The following KLHL36 variants were observed in gnomAD, a reference collection of about 807,000 sequenced individuals.
The protein encoded by KLHL36 is kelch like family member 36.
Under a neutral mutation model 53.3 loss-of-function variants are expected in KLHL36, and 35 were observed. The ratio of observed to expected loss-of-function variants is 0.66; its 90% CI spans 0.50 to 0.87. KLHL36 has a LOEUF of 0.87. Ranked by LOEUF, KLHL36 falls within the 40% of genes least tolerant of loss-of-function variation. The probability of loss-of-function intolerance (pLI) is 0.00; values close to 1 mark genes in which losing one functional copy is unlikely to be tolerated. For synonymous variants in KLHL36, 472 were observed against 398.9 expected (o/e 1.18, Z -2.18); for missense variants, 864 against 897.6 (o/e 0.96, Z 0.48).
Position 84,657,536 on chromosome 16 carries a change from C to T in KLHL36, c.729C>T (p.Asn243=), listed in dbSNP as rs111587084. ...TCCACTTCCCGCTCATCCCCAAGAA[C>T]GACCTGCTGCACCGCGTCAAGCCGG... is the stretch of plus-strand genomic sequence containing the variant. ...ENIHFPLIPK[N]DLLHRVKPAV... is the part of the protein sequence containing the mutation. Residue 243 remains asparagine, a synonymous_variant, in exon 3 of 5, where the codon AAC becomes AAT. Transcript: ENST00000564996. The T allele has an allele frequency of 2.9e-3, 4,626 of 1,610,202 alleles. 14 individuals carry two copies. Among genetic ancestry groups the T allele is most frequent in the Non-Finnish European group, 3.4e-3 (4,000 of 1,179,872 alleles).
At chr16:84,655,037 T>A (rs1347808767) in intron 2 of KLHL36, among the ~76,000 whole-genome samples, 3 of 152,208 alleles carry the variant, frequency 2.0e-5, no homozygotes, top group Admixed American at 6.5e-5. Context: ...AGCCTGGCTC[T>A]CTTTGTGGGT....
At chr16:84,654,302 C>G (rs551550490) in intron 2 of KLHL36, among the ~76,000 whole-genome samples, 1 of 152,196 alleles carries the variant, frequency 6.6e-6, no homozygotes, top group Non-Finnish European at 1.5e-5. Context: ...CAGCTCACAC[C>G]CAAGAGGGGC....
At position 84,659,861 on chromosome 16, in the gene KLHL36, A is replaced by G. The variant is rs746034197; in HGVS notation, c.1239A>G (p.Ser413=). 2 of 1,614,014 alleles carry G rather than the reference A, an allele frequency of 1.2e-6. No individual in the cohort carries two copies. The highest frequency in any genetic ancestry group is 1.7e-5 in the Admixed American group (1 of 60,000). Residue 413 remains serine, a synonymous_variant, in exon 4 of 5, where the codon TCA becomes TCG. Transcript: ENST00000564996. ...GGRNENGALS[S]VETYSPKTDS... ...GGAATGAGAACGGAGCGCTCTCTTC[A>G]GTAGAGACGTACAGTCCCAAGACTG...
chr16:84,650,945 A>C lies in KLHL36; in HGVS notation c.63+15A>C. 1.3e-6 allele frequency: 2 copies of C among 1,597,284 alleles called. No homozygotes were observed. Among genetic ancestry groups the C allele is most frequent in the Non-Finnish European group, 1.7e-6 (2 of 1,172,088 alleles). On this transcript the variant is annotated intron_variant, in intron 2 of 4. Transcript: ENST00000564996. ...AATCATCAAAGGTCTGTGAATGTTCACTCACCACCTATGCAAATTGCCTAA... is the reference window on the plus strand; with the variant it reads ...AATCATCAAAGGTCTGTGAATGTTCCCTCACCACCTATGCAAATTGCCTAA...
intron 3 of KLHL36, chr16:84,658,324 A>C (rs140513308): frequency 1.2e-5 from 2 of 169,454 alleles, no homozygotes; most frequent in African/African-American, 2.4e-5. Flanking sequence ...ATTGACGTGT[A>C]AGTGTATGTG....
Position 84,664,094 on chromosome 16 carries a change from C to G in KLHL36, c.*1961C>G, listed in dbSNP as rs1907708196. The G allele has an allele frequency of 6.6e-6, 1 of 152,182 alleles. No homozygotes were observed. Among genetic ancestry groups the G allele is most frequent in the Non-Finnish European group, 1.5e-5 (1 of 68,036 alleles). The allele number at this position is 152,182 out of a possible 1,614,324, so 9.4% of individuals were successfully genotyped here. A position where few individuals can be genotyped will look rare whatever the true frequency, so the allele number is the denominator to read the frequency against. On this transcript the variant is annotated 3_prime_UTR_variant, in exon 5 of 5. Coordinates refer to ENST00000564996, the MANE Select transcript of KLHL36 (RefSeq NM_024731.4). The stretch of plus-strand genomic sequence containing the variant: ...CCAGCATTTCCAAACTTCTTTGAGC[C>G]TAAAAGTCGTTTGTCTCATACCTAG...
In KLHL36 at chr16:84,662,329, C is replaced by T. The variant is rs1415340608; in HGVS notation, c.*196C>T. 7.1e-6 allele frequency: 4 copies of T among 566,684 alleles called. No individual in the cohort carries two copies. Among genetic ancestry groups the T allele is most frequent in the Admixed American group, 3.3e-5 (1 of 30,572 alleles). 35.1% of individuals were successfully genotyped at this position (566,684 alleles called of 1,614,324 possible). On this transcript the variant is annotated 3_prime_UTR_variant, in exon 5 of 5. Transcript: ENST00000564996. ...AACTTTACATATCTTGCTTGAATAA[C>T]TAACCCTGGGCCCAGGCAGTGAGCA...
In KLHL36 at chr16:84,657,617, C is replaced by A; in HGVS notation, c.810C>A (p.Ala270=). 3 of 1,611,456 alleles carry A rather than the reference C, an allele frequency of 1.9e-6. No homozygotes were observed. Among genetic ancestry groups the A allele is most frequent in the Non-Finnish European group, 2.5e-6 (3 of 1,179,726 alleles). Residue 270 remains alanine (A), a synonymous_variant, in exon 3 of 5, where the codon GCC becomes GCA. Coordinates refer to ENST00000564996, the MANE Select transcript of KLHL36 (RefSeq NM_024731.4). The part of the protein sequence containing the change: ...EANCEGFIEE[A]VRYHNNLAAQ... ...ACTGCGAGGGCTTCATCGAGGAGGC[C>A]GTGCGCTACCACAACAACCTGGCGG... is the stretch of plus-strand genomic sequence containing the variant.
chr16:84,649,552 T>C (rs1299943933), intron 1 of KLHL36, among the ~76,000 whole-genome samples: 1 of 152,220 alleles, frequency 6.6e-6, no homozygotes, highest in Non-Finnish European at 1.5e-5. Context: ...AACGCTGGGT[T>C]TCTTCTCTTC....
Position 84,659,792 on chromosome 16 carries a change from C to G in KLHL36, c.1170C>G (p.Phe390Leu). Residue 390 changes from phenylalanine (F) to leucine (L), a missense_variant, in exon 4 of 5, where the codon TTC becomes TTG. Transcript: ENST00000564996. ...VASMNQRRVDFYLASIEDMLV... is the reference protein window; with the variant it reads ...VASMNQRRVDLYLASIEDMLV... The stretch of plus-strand genomic sequence containing the variant: ...CCATGAACCAGCGCCGTGTGGATTT[C>G]TACCTTGCCTCCATCGAAGACATGC... 2 of 1,614,202 alleles carry G rather than the reference C, an allele frequency of 1.2e-6. No homozygotes were observed. Among genetic ancestry groups the G allele is most frequent in the Non-Finnish European group, 1.7e-6 (2 of 1,180,038 alleles).
In KLHL36 at chr16:84,656,951, C is replaced by T. The variant is rs377515054; in HGVS notation, c.144C>T (p.Val48=). The part of the protein sequence containing the change: ...EQRLRGLFCD[V]VLVADEQRVP... ...GTCTCCGCGGGCTCTTCTGCGACGT[C>T]GTCCTGGTGGCCGATGAGCAGCGTG... Residue 48 remains valine, a synonymous_variant, in exon 3 of 5, where the codon GTC becomes GTT. Transcript: ENST00000564996. 1.7e-5 allele frequency: 28 copies of T among 1,613,636 alleles called. No individual in the cohort carries two copies. Among genetic ancestry groups the T allele is most frequent in the Non-Finnish European group, 2.2e-5 (26 of 1,180,044 alleles).
chr16:84,650,939 A>C lies in KLHL36; in HGVS notation c.63+9A>C. ...TCAGCGAATCATCAAAGGTCTGTGA[A>C]TGTTCACTCACCACCTATGCAAATT... On this transcript the variant is annotated intron_variant, in intron 2 of 4. Coordinates refer to ENST00000564996, the MANE Select transcript of KLHL36 (RefSeq NM_024731.4). 1 of 1,606,502 alleles carries C rather than the reference A, an allele frequency of 6.2e-7. No homozygotes were observed. Among genetic ancestry groups the C allele is most frequent in the South Asian group, 1.1e-5 (1 of 90,016 alleles).
chr16:84,657,401 C>T lies in KLHL36; in HGVS notation c.594C>T (p.Ser198=), dbSNP rs1243772760. Residue 198 remains serine, a synonymous_variant, in exon 3 of 5, where the codon AGC becomes AGT. Transcript: ENST00000564996. ...TGCAGAAGCTGTGTGTCTACCTGAG[C>T]AGCAGCGAGGTGCAGCGGGAGTGTG... ...VSMQKLCVYL[S]SSEVQRECEH... is the part of the protein sequence containing the mutation. 6 of 1,607,704 alleles carry T rather than the reference C, an allele frequency of 3.7e-6. No homozygotes were observed. In the African/African-American group the frequency reaches 8.0e-5, roughly 21 times the overall value.
chr16:84,659,436 A>C (rs1034567909), intron 3 of KLHL36: 3 of 279,144 alleles, frequency 1.1e-5, no homozygotes, highest in Admixed American at 4.8e-5. Context: ...CTAGATCAGC[A>C]ATTCTGACCC....
chr16:84,651,694 T>C (rs1000141679), intron 2 of KLHL36, among the ~76,000 whole-genome samples: 1 of 152,198 alleles, frequency 6.6e-6, no homozygotes, highest in African/African-American at 2.4e-5. Flanking sequence ...GAGTATGATA[T>C]TGCCCTGAAG....
At chr16:84,653,378 T>C (rs1424715387) in intron 2 of KLHL36, among the ~76,000 whole-genome samples, 2 of 152,114 alleles carry the variant, frequency 1.3e-5, no homozygotes, top group Non-Finnish European at 2.9e-5. Context: ...AATAAAGAAA[T>C]GAACAAGACT....
In KLHL36 at chr16:84,662,153, G is replaced by A. The variant is rs1597225570; in HGVS notation, c.*20G>A. On this transcript the variant is annotated 3_prime_UTR_variant, in exon 5 of 5. Coordinates refer to ENST00000564996, the MANE Select transcript of KLHL36 (RefSeq NM_024731.4). ...CAGTGACCCTAGCTGCGCCTCTTGG[G>A]ACCATCCTCACCGTCACCTCCCAGG... 5 of 1,492,034 alleles carry A rather than the reference G, an allele frequency of 3.4e-6. No individual in the cohort carries two copies. The South Asian group carries it at 3.8e-5, about 11-fold the overall frequency. The allele number at this position is 1,492,034 out of a possible 1,614,324, so 92.4% of individuals were successfully genotyped here.
At chr16:84,654,875 A>C (rs941476050) in intron 2 of KLHL36, among the ~76,000 whole-genome samples, 5 of 152,092 alleles carry the variant, frequency 3.3e-5, no homozygotes, top group African/African-American at 1.2e-4. Flanking sequence ...CTCCCAAAGT[A>C]CTGGGATTCC....
In KLHL36 at chr16:84,661,233, A is replaced by T. The variant is rs915547535; in HGVS notation, c.1296-345A>T. ...CTTTGATGTGTGATTCATCGGGTGC[A>T]TGTGTGCCTGCTAGCTCATTGTTCT... On this transcript the variant is annotated intron_variant, in intron 4 of 4. Transcript: ENST00000564996. This position sits in a 1 kb window ranked among gnomAD's most constrained non-coding sequence, Gnocchi z 7.9. 2.0e-5 allele frequency among the ~76,000 whole-genome samples: 3 copies of T among 152,124 alleles called. No individual in the cohort carries two copies. Among genetic ancestry groups the T allele is most frequent in the Non-Finnish European group, 4.4e-5 (3 of 68,028 alleles).
Sources: gnomAD v4.1 joint callset for allele counts (sites outside exome capture counted in the v4.1 genomes callset) on GRCh38, gnomAD v4.1.1 for gene constraint, Gnocchi (gnomAD v3.1) non-coding constraint, MANE v1.5 for transcripts, NCBI Gene and HGNC (gene_info 2026-07-23, HGNC 2026-07-21) for gene names.